The following ABCA13 variants were observed in gnomAD, a reference collection of about 807,000 sequenced individuals.
The protein encoded by ABCA13 is ATP-binding cassette sub-family A member 13.
ABCA13 carries 476 observed loss-of-function variants against 478.7 expected under a neutral mutation model. The ratio of observed to expected loss-of-function variants is 0.99; its 90% CI spans 0.92 to 1.07. The LOEUF is 1.07. ABCA13 is among the 50% of genes least tolerant of loss of function. The probability of loss-of-function intolerance (pLI) is 0.00; values close to 1 mark genes in which losing one functional copy is unlikely to be tolerated. For missense variants in ABCA13, 6,060 were observed against 5,910.6 expected (o/e 1.03, Z -0.83); for synonymous variants, 2,252 against 2,158.9 (o/e 1.04, Z -1.20).
At chr7:48,570,319 CTTTTTTTT>C (rs35693419) in intron 55 of ABCA13, among the ~76,000 whole-genome samples, 1 of 88,200 alleles carries the variant, frequency 1.1e-5, no homozygotes, top group Non-Finnish European at 2.1e-5. Context: ...TTTGCATCCT[CTTTTTTTT>C]TTTTTTTTTT....
chr7:48,559,745 A>G (rs73109399), intron 55 of ABCA13, among the ~76,000 whole-genome samples: 21,074 of 152,012 alleles, frequency 0.14, 1,829 homozygotes, highest in African/African-American at 0.23. Flanking sequence ...TTCGTCATCG[A>G]GTGATGAGTC....
intron 31 of ABCA13, among the ~76,000 whole-genome samples, chr7:48,355,897 G>A (rs1809822805): frequency 1.3e-5 from 2 of 151,966 alleles, no homozygotes. Context: ...ATTTGTTCAG[G>A]AGGCTGGGAC....
At position 48,330,381 on chromosome 7, in the gene ABCA13, TCATC is replaced by T. The variant is rs570967832; in HGVS notation, c.10000-5030_10000-5027del. Among the ~76,000 whole-genome samples the T allele has an allele frequency of 4.7e-3, 573 of 122,330 alleles. 1 individual carries two copies. Among genetic ancestry groups the T allele is most frequent in the African/African-American group, 0.015 (489 of 32,220 alleles). 80.3% of individuals were successfully genotyped at this position (122,330 alleles called of 152,430 possible). On this transcript the variant is annotated intron_variant, in intron 27 of 61. Coordinates refer to ENST00000435803, the MANE Select transcript of ABCA13 (RefSeq NM_152701.5). ...TCCATCCACCCATCCATCCATCCATTCATCCATCCATCCAAATCTATCTATCCAT... is the reference window on the plus strand; with the variant it reads ...TCCATCCACCCATCCATCCATCCATTCATCCATCCAAATCTATCTATCCAT...
intron 41 of ABCA13, among the ~76,000 whole-genome samples, chr7:48,416,637 C>T (rs1489412199): frequency 6.6e-6 from 1 of 152,056 alleles, no homozygotes; most frequent in East Asian, 1.9e-4. Flanking sequence ...CTGGGAGGAT[C>T]CCCAGTCGGA....
intron 20 of ABCA13, among the ~76,000 whole-genome samples, chr7:48,294,322 T>C (rs1340084470): frequency 6.6e-6 from 1 of 152,080 alleles, no homozygotes; most frequent in African/African-American, 2.4e-5. Flanking sequence ...ATTCTCTAGA[T>C]GTGTTCATTC....
At chr7:48,363,151 A>G (rs2129008575) in intron 31 of ABCA13, among the ~76,000 whole-genome samples, 1 of 152,280 alleles carries the variant, frequency 6.6e-6, no homozygotes, top group Middle Eastern at 3.4e-3. Context: ...TAATTTCCTT[A>G]AGAAGCTCTC....
At chr7:48,564,541 T>G (rs1323463737) in intron 55 of ABCA13, among the ~76,000 whole-genome samples, 1 of 151,948 alleles carries the variant, frequency 6.6e-6, no homozygotes, top group African/African-American at 2.4e-5. Context: ...AATAAAAATC[T>G]TAGTAAGTTT....
At position 48,241,081 on chromosome 7, in the gene ABCA13, C is replaced by T; in HGVS notation, c.1262+15C>T. The T allele has an allele frequency of 6.2e-7, 1 of 1,613,604 alleles. No homozygotes were observed. ...TTTCCAAAGATGTAAGTCGCATTTCCCTGTTTGATTATTGATTAGGTAGAT... is the reference window on the plus strand; with the variant it reads ...TTTCCAAAGATGTAAGTCGCATTTCTCTGTTTGATTATTGATTAGGTAGAT... On this transcript the variant is annotated intron_variant, in intron 10 of 61. Transcript: ENST00000435803.
chr7:48,629,130 G>A (rs997506517), intron 59 of ABCA13, among the ~76,000 whole-genome samples: 5 of 152,158 alleles, frequency 3.3e-5, no homozygotes, highest in Admixed American at 6.5e-5. Context: ...TCAGGTGTAC[G>A]ATTCAGTCCT....
intron 58 of ABCA13, among the ~76,000 whole-genome samples, chr7:48,600,365 A>G (rs1051339544): frequency 2.0e-5 from 3 of 151,284 alleles, no homozygotes; most frequent in African/African-American, 7.3e-5. Flanking sequence ...TTTTTTCCCA[A>G]TCTGACAATG....
At chr7:48,351,799 T>G (rs558225503) in intron 30 of ABCA13, among the ~76,000 whole-genome samples, 2 of 152,312 alleles carry the variant, frequency 1.3e-5, no homozygotes, top group East Asian at 3.9e-4. Context: ...ATAGAATCCA[T>G]GTATTTAAGT....
At chr7:48,436,481 T>C (rs145436205) in intron 42 of ABCA13, among the ~76,000 whole-genome samples, 3 of 151,966 alleles carry the variant, frequency 2.0e-5, no homozygotes, top group African/African-American at 7.2e-5. Flanking sequence ...ATTGACTTCA[T>C]TGATTTTTCC....
At chr7:48,600,088 T>C (rs755746360) in intron 58 of ABCA13, among the ~76,000 whole-genome samples, 6 of 152,204 alleles carry the variant, frequency 3.9e-5, no homozygotes, top group African/African-American at 7.2e-5. Flanking sequence ...GCTTCATATA[T>C]TTGGAGTCTG....
intron 47 of ABCA13, 104 bp from the exon 48 acceptor site, chr7:48,489,132 T>C: frequency 1.1e-6 from 1 of 916,532 alleles, no homozygotes; most frequent in Non-Finnish European, 1.7e-6. Flanking sequence ...CTCAGGTGCC[T>C]TGGAAGTTAA....
At chr7:48,439,610 A>C (rs371559072) in intron 42 of ABCA13, among the ~76,000 whole-genome samples, 1 of 152,138 alleles carries the variant, frequency 6.6e-6, no homozygotes, top group Admixed American at 6.6e-5. Context: ...ACATTTATAG[A>C]ATTAACAAAC....
intron 23 of ABCA13, 113 bp downstream of exon 23, chr7:48,298,600 G>A (rs1442746023): frequency 3.2e-6 from 4 of 1,266,776 alleles, no homozygotes; most frequent in East Asian, 2.5e-5. Flanking sequence ...TTTGGCTAGT[G>A]TAGTGGGTTG....
intron 55 of ABCA13, among the ~76,000 whole-genome samples, chr7:48,565,530 G>A (rs1456769281): frequency 1.3e-5 from 2 of 152,138 alleles, no homozygotes; most frequent in African/African-American, 4.8e-5. Context: ...GTATGTGTGT[G>A]TGTACCTTTA....
intron 14 of ABCA13, 148 bp from the exon 15 acceptor site, chr7:48,249,064 A>G (rs1340804857): frequency 4.5e-6 from 3 of 662,874 alleles, no homozygotes; most frequent in Non-Finnish European, 7.1e-6. Context: ...TTAAAAAATT[A>G]GTAGAACTAT....
At chr7:48,216,725 T>G (rs1225493696) in intron 3 of ABCA13, among the ~76,000 whole-genome samples, 1 of 151,884 alleles carries the variant, frequency 6.6e-6, no homozygotes, top group Non-Finnish European at 1.5e-5. Context: ...GCTTTTACAT[T>G]TTAGTCTATT....
Sources: allele counts gnomAD v4.1 joint callset (sites outside exome capture counted in the v4.1 genomes callset), GRCh38; gene constraint gnomAD v4.1.1; transcripts MANE v1.5; gene names NCBI Gene and HGNC (gene_info 2026-07-23, HGNC 2026-07-21).